Variants in ZRANB2 observed in about 807,000 individuals in gnomAD.
The protein encoded by ZRANB2 is zinc finger RANBP2-type containing 2, also known as zinc finger Ran-binding domain-containing protein 2.
ZRANB2 carries 19 observed loss-of-function variants against 53.4 expected under a neutral mutation model. The observed-to-expected ratio is 0.36, with a 90% CI of 0.25 to 0.52. The LOEUF (loss-of-function observed/expected upper bound fraction) is 0.52. ZRANB2 is among the 20% of genes least tolerant of loss of function. The pLI, the probability that ZRANB2 is intolerant of heterozygous loss-of-function variation, is 0.93. For missense variants in ZRANB2, 309 were observed against 401.1 expected, an observed-to-expected ratio of 0.77 and a Z score of 1.96; for synonymous variants, 145 against 134.8, an observed-to-expected ratio of 1.08 and a Z score of -0.52.
chr1:71,065,228 C>A, intron 9 of ZRANB2, 91 bp from the exon 10 acceptor site: 1 of 1,018,312 alleles, frequency 9.8e-7, no homozygotes, highest in South Asian at 1.8e-5. Flanking sequence ...ATACAAAATT[C>A]AGTACCATGA....
chr1:71,073,553 C>A (rs977678515), intron 4 of ZRANB2, among the ~76,000 whole-genome samples: 3 of 151,372 alleles, frequency 2.0e-5, no homozygotes, highest in African/African-American at 2.4e-5. Context: ...CTGAAAAAAA[C>A]CCACACTAAT....
rs1661358344 is a variant in ZRANB2 at position 71,063,775 on chromosome 1, T to C, written c.*1299A>G. The C allele has an allele frequency of 6.6e-6, 1 of 152,398 alleles. No individual in the cohort carries two copies. Among genetic ancestry groups the C allele is most frequent in the African/African-American group, 2.4e-5 (1 of 41,422 alleles). 9.4% of individuals were successfully genotyped at this position (152,398 alleles called of 1,614,324 possible). A position where few individuals can be genotyped will look rare whatever the true frequency, so the allele number is the denominator to read the frequency against. ...AAACATTCACTTTAAAGTAAAAACA[T>C]ATATTTTTGTTTGGTTTGTCTATGA... On this transcript the variant is annotated 3_prime_UTR_variant, in exon 10 of 10. Transcript: ENST00000370920.
intron 9 of ZRANB2, 143 bp from the exon 10 acceptor site, chr1:71,065,280 CAT>C: frequency 3.5e-6 from 2 of 566,584 alleles, no homozygotes; most frequent in East Asian, 3.1e-5. Context: ...AACTTACACA[CAT>C]AAAATTATCT....
intron 3 of ZRANB2, 105 bp downstream of exon 3, chr1:71,078,352 T>C (rs1179250824): frequency 1.1e-6 from 1 of 910,304 alleles, no homozygotes; most frequent in African/African-American, 1.7e-5. Flanking sequence ...ATTTAAAAGG[T>C]TACCCTGGCT....
intron 6 of ZRANB2, 112 bp from the exon 7 acceptor site, chr1:71,071,108 CA>C: frequency 1.2e-6 from 1 of 865,360 alleles, no homozygotes; most frequent in Non-Finnish European, 1.6e-6. Flanking sequence ...ACAGGTATCT[CA>C]GCAAATTAAT....
Position 71,066,673 on chromosome 1 carries a change from G to T in ZRANB2, c.929+103C>A, listed in dbSNP as rs908859811. ...TTCAAAGTTGAAAAGTAGAAAGTCGGAACACAAGAGATAATAAAAATCTAA... is the reference window on the plus strand; with the variant it reads ...TTCAAAGTTGAAAAGTAGAAAGTCGTAACACAAGAGATAATAAAAATCTAA... On this transcript the variant is annotated intron_variant, in intron 9 of 9. Transcript: ENST00000370920. 12 of 1,244,760 alleles carry T rather than the reference G, an allele frequency of 9.6e-6. No individual in the cohort carries two copies. In the East Asian group the frequency reaches 2.6e-4, roughly 27 times the overall value. The allele number at this position is 1,244,760 out of a possible 1,614,324, so 77.1% of individuals were successfully genotyped here.
intron 8 of ZRANB2, among the ~76,000 whole-genome samples, chr1:71,068,938 A>G (rs1226798836): frequency 2.0e-5 from 3 of 151,878 alleles, no homozygotes; most frequent in Non-Finnish European, 4.4e-5. Context: ...ATAGGCATGA[A>G]TCACTGTGCC....
At position 71,064,559 on chromosome 1, in the gene ZRANB2, G is replaced by A. The variant is rs1442319817; in HGVS notation, c.*515C>T. ...TGATTCTAAGGCACCCTTAGCATAG[G>A]GAATTTCAAAATAGACATTTACAGT... On this transcript the variant is annotated 3_prime_UTR_variant, in exon 10 of 10. Transcript: ENST00000370920. 2.6e-5 allele frequency: 4 copies of A among 152,436 alleles called. No individual in the cohort carries two copies. Among genetic ancestry groups the A allele is most frequent in the Non-Finnish European group, 5.9e-5 (4 of 67,926 alleles). 9.4% of individuals were successfully genotyped at this position (152,436 alleles called of 1,614,324 possible).
At chr1:71,076,528 G>A (rs956577735) in intron 4 of ZRANB2, among the ~76,000 whole-genome samples, 1 of 152,166 alleles carries the variant, frequency 6.6e-6, no homozygotes, top group Non-Finnish European at 1.5e-5. Flanking sequence ...GCAAACCAGT[G>A]AAAGGGAGAG....
chr1:71,076,585 T>C (rs1269303961), intron 4 of ZRANB2, among the ~76,000 whole-genome samples: 1 of 152,112 alleles, frequency 6.6e-6, no homozygotes, highest in Non-Finnish European at 1.5e-5. Context: ...CTTGTTAGGA[T>C]AAAGGTCCCT....
At chr1:71,073,825 G>C (rs905328674) in intron 4 of ZRANB2, among the ~76,000 whole-genome samples, 2 of 10,272 alleles carry the variant, frequency 1.9e-4, no homozygotes, top group African/African-American at 3.7e-4. Context: ...TGACAACAAA[G>C]ACATTGGTAT....
chr1:71,066,826 A>G lies in ZRANB2; in HGVS notation c.879T>C (p.Ser293=). 1 of 1,612,450 alleles carries G rather than the reference A, an allele frequency of 6.2e-7. No homozygotes were observed. The highest frequency in any genetic ancestry group is 8.5e-7 in the Non-Finnish European group (1 of 1,179,458). ...GTCTTTTTTTGCGATCACCAGATGA[A>G]GAAGATCTAGAACGACTTCTCTTTC... ...RNRKRSRSRS[S]SSGDRKKRRT... is the part of the protein sequence containing the mutation. Residue 293 remains serine (S), a synonymous_variant, in exon 9 of 10, where the codon TCT becomes TCC. Transcript: ENST00000370920.
intron 4 of ZRANB2, among the ~76,000 whole-genome samples, chr1:71,075,707 G>T (rs911078862): frequency 1.3e-4 from 19 of 151,958 alleles, no homozygotes; most frequent in African/African-American, 4.4e-4. Context: ...GAGGTACGGT[G>T]CATACCTTAG....
chr1:71,076,323 CTT>C (rs1573060340), intron 4 of ZRANB2, among the ~76,000 whole-genome samples: 1 of 152,200 alleles, frequency 6.6e-6, no homozygotes, highest in African/African-American at 2.4e-5. Context: ...CGCCAAATAA[CTT>C]TAACAGTTCT....
At chr1:71,071,968 T>C (rs756031733) in intron 6 of ZRANB2, among the ~76,000 whole-genome samples, 153 bp downstream of exon 6, 2 of 152,076 alleles carry the variant, frequency 1.3e-5, no homozygotes, top group Non-Finnish European at 2.9e-5. Flanking sequence ...CAAGTACAAA[T>C]AGTACTTGGC....
intron 1 of ZRANB2, among the ~76,000 whole-genome samples, chr1:71,079,390 T>A (rs1573063184): frequency 6.6e-6 from 1 of 152,208 alleles, no homozygotes; most frequent in African/African-American, 2.4e-5. Context: ...TTCACTCACA[T>A]GACCTTAGAA....
Position 71,070,898 on chromosome 1 carries a change from T to G in ZRANB2, c.612A>C (p.Ser204=), listed in dbSNP as rs113132897. ...NKKKSNRRSR[S]KSRSSHSRSS... is the part of the protein sequence containing the mutation. The stretch of plus-strand genomic sequence containing the variant: ...ATCGTGAATGTGAAGATCGAGACTT[T>G]GAGCGACTTCGTCTATTAGATTTCT... The change falls in exon 7 of 10, where the codon TCA becomes TCC. Residue 204 remains serine, a synonymous_variant. Coordinates refer to ENST00000370920, the MANE Select transcript of ZRANB2 (RefSeq NM_203350.3). 3 of 1,611,584 alleles carry G rather than the reference T, an allele frequency of 1.9e-6. No homozygotes were observed. In the South Asian group the frequency reaches 3.3e-5, roughly 18 times the overall value.
At chr1:71,073,218 T>C (rs1312142573) in intron 4 of ZRANB2, among the ~76,000 whole-genome samples, 1 of 152,044 alleles carries the variant, frequency 6.6e-6, no homozygotes, top group Non-Finnish European at 1.5e-5. Context: ...TACAATTCAA[T>C]TGGCAGGTCT....
intron 1 of ZRANB2, among the ~76,000 whole-genome samples, chr1:71,079,295 C>A (rs963995185): frequency 2.6e-5 from 4 of 152,112 alleles, no homozygotes; most frequent in African/African-American, 9.7e-5. Flanking sequence ...AATGACACAA[C>A]CACCAAAACC....
Sources: allele counts gnomAD v4.1 joint callset (sites outside exome capture counted in the v4.1 genomes callset), GRCh38; gene constraint gnomAD v4.1.1; transcripts MANE v1.5; gene names NCBI Gene and HGNC (gene_info 2026-07-23, HGNC 2026-07-21).